NCAM2: variants seen among roughly 807,000 people sequenced by gnomAD.
NCAM2 encodes N-CAM-2.
NCAM2 carries 30 observed loss-of-function variants against 98.1 expected under a neutral mutation model. The observed-to-expected ratio is 0.31, with a 90% confidence interval of 0.23 to 0.41. The LOEUF is 0.41. Ranked by LOEUF, NCAM2 falls within the 10% of genes least tolerant of loss-of-function variation. The pLI is 1.00. For synonymous variants in NCAM2, 368 were observed against 342.4 expected (o/e 1.07, Z -0.83); for missense variants, 867 against 1,005.8 (o/e 0.86, Z 1.87).
chr21:21,207,687 C>T (rs1312466948), intron 1 of NCAM2, among the ~76,000 whole-genome samples: 1 of 152,042 alleles, frequency 6.6e-6, no homozygotes, highest in African/African-American at 2.4e-5. Flanking sequence ...ATACCTATTC[C>T]AGGATGGCAT....
intron 9 of NCAM2, among the ~76,000 whole-genome samples, chr21:21,392,577 AGT>A (rs1241807796): frequency 6.6e-6 from 1 of 152,186 alleles, no homozygotes; most frequent in East Asian, 1.9e-4. Context: ...ACAGTGTAAC[AGT>A]GTTCCTTTTT....
intron 1 of NCAM2, among the ~76,000 whole-genome samples, chr21:21,035,409 G>T (rs981247239): frequency 8.5e-5 from 13 of 152,070 alleles, no homozygotes; most frequent in Admixed American, 7.9e-4. Context: ...TTTCAATTTT[G>T]CTCTCAAAAA....
At chr21:21,432,673 A>G (rs1462630691) in intron 12 of NCAM2, among the ~76,000 whole-genome samples, 1 of 151,990 alleles carries the variant, frequency 6.6e-6, no homozygotes, top group African/African-American at 2.4e-5. Flanking sequence ...GTTACCTTCT[A>G]TACTTATGAA....
At position 21,508,991 on chromosome 21, in the gene NCAM2, T is replaced by C. The variant is rs1988183594; in HGVS notation, c.2218T>C (p.Cys740Arg). ...GCTGATGTGCATCACTAGGAGAATG[T>C]GTGGAAAGAAAAGTGGCTCCAGTGG... Reference protein sequence around the residue: ...GLLMCITRRMCGKKSGSSGKS... With the variant: ...GLLMCITRRMRGKKSGSSGKS... Residue 740 changes from cysteine (C) to arginine (R), a missense_variant, in exon 16 of 18, where the codon TGT (cysteine) becomes CGT (arginine). By Grantham distance (180) the Cys-to-Arg change is radical (BLOSUM62 -3). This residue lies in a region of NCAM2 where 125 missense variants were observed against 116.1 expected (regional missense o/e 1.08). Coordinates refer to ENST00000400546, the MANE Select transcript of NCAM2 (RefSeq NM_004540.5). 5 of 1,613,446 alleles carry C rather than the reference T, an allele frequency of 3.1e-6. No individual in the cohort carries two copies. The Admixed American group carries it at 8.3e-5, about 27-fold the overall frequency.
chr21:21,321,127 C>T (rs2074364200), intron 5 of NCAM2, among the ~76,000 whole-genome samples: 1 of 152,188 alleles, frequency 6.6e-6, no homozygotes, highest in South Asian at 2.1e-4. Context: ...CTAATGGACA[C>T]ACAGCCCTAA....
Position 21,411,967 on chromosome 21 carries a change from C to T in NCAM2, c.1383+1506C>T, listed in dbSNP as rs570921904. On this transcript the variant is annotated intron_variant, in intron 10 of 17. Coordinates refer to ENST00000400546, the MANE Select transcript of NCAM2 (RefSeq NM_004540.5). The stretch of plus-strand genomic sequence containing the variant: ...GACAGGGATGTCAATTTCATAAAAA[C>T]ATCTGGACAGTTTTAATCTAAATTT... Among the ~76,000 whole-genome samples, 9 of 113,012 alleles carry T rather than the reference C, an allele frequency of 8.0e-5. No individual in the cohort carries two copies. The South Asian group carries it at 1.8e-3, about 23-fold the overall frequency. The allele number at this position is 113,012 out of a possible 152,430, so 74.1% of individuals were successfully genotyped here.
chr21:21,053,869 A>T (rs2146304038), intron 1 of NCAM2, among the ~76,000 whole-genome samples: 1 of 151,686 alleles, frequency 6.6e-6, no homozygotes, highest in African/African-American at 2.4e-5. Context: ...TGGTATTTTT[A>T]ATAATAAAAC....
chr21:21,226,895 A>C (rs1400475848), intron 1 of NCAM2: 1 of 152,022 alleles, frequency 6.6e-6, no homozygotes, highest in Non-Finnish European at 1.5e-5. Flanking sequence ...ACCTTCATAG[A>C]TCAAAGGAGG....
chr21:21,477,324 G>A lies in NCAM2; in HGVS notation c.1930G>A (p.Val644Met). The A allele has an allele frequency of 6.2e-7, 1 of 1,604,584 alleles. No individual in the cohort carries two copies. Among genetic ancestry groups the A allele is most frequent in the African/African-American group, 1.3e-5 (1 of 74,800 alleles). ...GGAAGACCAATGGCTAGAGAAAAAA[G>A]TGCAAGGAAATAAAGACCACATCAT... ...DKEDQWLEKK[V>M]QGNKDHIILE... is the part of the protein sequence containing the mutation. The change falls in exon 15 of 18, where the codon GTG becomes ATG. Residue 644 changes from valine to methionine, a missense_variant. Physicochemically the swap from Val to Met is conservative, Grantham distance 21. Coordinates refer to ENST00000400546, the MANE Select transcript of NCAM2 (RefSeq NM_004540.5).
intron 1 of NCAM2, among the ~76,000 whole-genome samples, chr21:21,204,605 C>T (rs140227080): frequency 8.6e-4 from 131 of 152,208 alleles, no homozygotes; most frequent in African/African-American, 3.1e-3. Context: ...CTAACCTTGA[C>T]ATTCAGATTA....
chr21:21,466,304 G>C (rs995660646), intron 12 of NCAM2, among the ~76,000 whole-genome samples: 1 of 151,772 alleles, frequency 6.6e-6, no homozygotes, highest in Non-Finnish European at 1.5e-5. Flanking sequence ...CATCATTCTT[G>C]GTTTTTGGAT....
At chr21:21,122,508 A>G (rs2066696236) in intron 1 of NCAM2, among the ~76,000 whole-genome samples, 1 of 152,152 alleles carries the variant, frequency 6.6e-6, no homozygotes, top group South Asian at 2.1e-4. Context: ...TAAAACAACA[A>G]CTATTTATTA....
chr21:21,248,746 C>A (rs921210668), intron 1 of NCAM2, among the ~76,000 whole-genome samples: 1 of 117,842 alleles, frequency 8.5e-6, no homozygotes, highest in African/African-American at 3.3e-5. Flanking sequence ...CACTGCATTC[C>A]AGCCTGGGCA....
rs922022563 is a variant in NCAM2, at chr21:21,539,220, G to A, written c.*1263G>A. ...GCTTCTTTACTTCCAAGCTATGCAA[G>A]CTCCCAGAGGTAATAGAGTGACACA... is the stretch of plus-strand genomic sequence containing the variant. On this transcript the variant is annotated 3_prime_UTR_variant, in exon 18 of 18. Coordinates refer to ENST00000400546, the MANE Select transcript of NCAM2 (RefSeq NM_004540.5). 2.0e-5 allele frequency: 3 copies of A among 152,152 alleles called. No homozygotes were observed. The highest frequency in any genetic ancestry group is 6.6e-5 in the Admixed American group (1 of 15,262). The allele number at this position is 152,152 out of a possible 1,614,324, so 9.4% of individuals were successfully genotyped here. A position where few individuals can be genotyped will look rare whatever the true frequency, so the allele number is the denominator to read the frequency against.
chr21:21,334,281 T>C (rs1483544946), intron 6 of NCAM2, among the ~76,000 whole-genome samples: 1 of 152,092 alleles, frequency 6.6e-6, no homozygotes, highest in Non-Finnish European at 1.5e-5. Context: ...TCCACTCCTC[T>C]TAAGAAATGT....
chr21:21,209,617 A>T (rs1351277151), intron 1 of NCAM2, among the ~76,000 whole-genome samples: 2 of 152,162 alleles, frequency 1.3e-5, no homozygotes, highest in African/African-American at 4.8e-5. Context: ...GGGTCCATCA[A>T]CAAAGGTATA....
At chr21:21,238,566 G>C (rs2070937608) in intron 1 of NCAM2, among the ~76,000 whole-genome samples, 2 of 151,754 alleles carry the variant, frequency 1.3e-5, no homozygotes, top group South Asian at 4.2e-4. Flanking sequence ...AGTTTGGGGG[G>C]AAATTAAATT....
intron 1 of NCAM2, among the ~76,000 whole-genome samples, chr21:21,035,602 A>C (rs887464995): frequency 6.6e-6 from 1 of 152,292 alleles, no homozygotes. Flanking sequence ...TCATGATGTT[A>C]GGTTAGCAAT....
At chr21:21,418,680 C>A (rs1602281454) in intron 11 of NCAM2, 111 bp downstream of exon 11, 1 of 806,698 alleles carries the variant, frequency 1.2e-6, no homozygotes, top group Non-Finnish European at 2.2e-6. Context: ...AACAATGGAT[C>A]TCTTGGAGAT....
Sources: allele counts gnomAD v4.1 joint callset (sites outside exome capture counted in the v4.1 genomes callset), GRCh38; gene constraint gnomAD v4.1.1; regional missense constraint gnomAD v4.1.1; transcripts MANE v1.5; gene names NCBI Gene and HGNC (gene_info 2026-07-23, HGNC 2026-07-21).